ELAVL4: variants seen among roughly 807,000 people sequenced by gnomAD.
ELAVL4 encodes the protein ELAV like RNA binding protein 4.
ELAVL4 carries 1 observed loss-of-function variant against 35.6 expected under a neutral mutation model. That is an observed-to-expected ratio of 0.03 (90% CI 0.01 to 0.13). ELAVL4 has a LOEUF of 0.13. Among genes scored for constraint, ELAVL4 ranks in the 10% least tolerant of loss-of-function variants. The pLI, the probability that ELAVL4 is intolerant of heterozygous loss-of-function variation, is 1.00. For synonymous variants in ELAVL4, 156 were observed against 171.0 expected, an observed-to-expected ratio of 0.91 and a Z score of 0.69; for missense variants, 267 against 464.9, an observed-to-expected ratio of 0.57 and a Z score of 3.91.
At chr1:50,089,680 A>C (rs1665405098) in intron 1 of ELAVL4, among the ~76,000 whole-genome samples, 1 of 152,202 alleles carries the variant, frequency 6.6e-6, no homozygotes, top group Admixed American at 6.5e-5. Context: ...ACCTGAGTCC[A>C]GGAGGTTGAG....
intron 1 of ELAVL4, among the ~76,000 whole-genome samples, chr1:50,061,198 T>C (rs1326060401): frequency 2.6e-5 from 4 of 152,228 alleles, no homozygotes; most frequent in Admixed American, 2.6e-4. Context: ...TTTGGTTTGT[T>C]CATAAAATTA....
chr1:50,066,522 C>A (rs2148483032), intron 1 of ELAVL4, among the ~76,000 whole-genome samples: 1 of 152,226 alleles, frequency 6.6e-6, no homozygotes, highest in Admixed American at 6.5e-5. Context: ...TGCTGTTGGC[C>A]AACTCTTCAT....
At chr1:50,108,380 C>T (rs993081650), upstream of ELAVL4, among the ~76,000 whole-genome samples, 1 of 152,168 alleles carries the variant, frequency 6.6e-6, no homozygotes, top group Non-Finnish European at 1.5e-5. Context: ...TACTAAAAAT[C>T]AGCAATATCT....
At chr1:50,128,850 T>C (rs1272399010) in intron 1 of ELAVL4, among the ~76,000 whole-genome samples, 1 of 152,002 alleles carries the variant, frequency 6.6e-6, no homozygotes, top group Non-Finnish European at 1.5e-5. Context: ...AGAAGGAAGA[T>C]GGGAGTCAGT....
intron 1 of ELAVL4, among the ~76,000 whole-genome samples, chr1:50,076,243 T>G (rs1220615881): frequency 6.6e-6 from 1 of 152,198 alleles, no homozygotes; most frequent in Non-Finnish European, 1.5e-5. Context: ...TAACCTCTTA[T>G]CAGTGGTTTT....
intron 1 of ELAVL4, among the ~76,000 whole-genome samples, chr1:50,120,748 T>TA (rs2148590549): frequency 6.6e-6 from 1 of 152,150 alleles, no homozygotes; most frequent in African/African-American, 2.4e-5. Flanking sequence ...TTTAGGGTTA[T>TA]AGTGGCAGAA....
chr1:50,186,586 G>A (rs988442879), intron 3 of ELAVL4, among the ~76,000 whole-genome samples: 1 of 152,190 alleles, frequency 6.6e-6, no homozygotes, highest in Non-Finnish European at 1.5e-5. Flanking sequence ...ATGGGCAGGA[G>A]TTTATTCTGC....
At chr1:50,200,465 T>G (rs1331126954) in intron 6 of ELAVL4, among the ~76,000 whole-genome samples, 1 of 151,762 alleles carries the variant, frequency 6.6e-6, no homozygotes, top group Non-Finnish European at 1.5e-5. Context: ...ATGAATGAAA[T>G]AGACCCTTTC....
intron 2 of ELAVL4, among the ~76,000 whole-genome samples, chr1:50,163,982 A>G (rs879412037): frequency 1.6e-4 from 24 of 152,078 alleles, no homozygotes; most frequent in South Asian, 4.1e-4. Context: ...CCTAGCCACT[A>G]TTTTCTAGAC....
intron 1 of ELAVL4, among the ~76,000 whole-genome samples, chr1:50,142,601 A>G (rs1673009543): frequency 6.6e-6 from 1 of 152,210 alleles, no homozygotes; most frequent in Non-Finnish European, 1.5e-5. Flanking sequence ...ACAAAAACAA[A>G]AACAAAAAAT....
intron 3 of ELAVL4, among the ~76,000 whole-genome samples, chr1:50,188,231 A>G (rs1301552067): frequency 6.6e-6 from 1 of 152,188 alleles, no homozygotes; most frequent in Non-Finnish European, 1.5e-5. Flanking sequence ...CACTTCCAGC[A>G]CCAAATTTCT....
chr1:50,049,811 T>C (rs1435307797), intron 1 of ELAVL4, among the ~76,000 whole-genome samples: 2 of 152,210 alleles, frequency 1.3e-5, no homozygotes, highest in Non-Finnish European at 2.9e-5. Context: ...GGGATTTACA[T>C]GCAGGTTTTT....
rs985044788 is a variant in ELAVL4, at chr1:50,203,577, A to G, written c.*2399A>G. On this transcript the variant is annotated 3_prime_UTR_variant, in exon 7 of 7. Transcript: ENST00000371824. ...TCTATAATGTGTTCAATCTTGGGGG[A>G]AAAAAAAAGGAAAAAAAATCTTAGG... The G allele has an allele frequency of 5.3e-5, 8 of 150,918 alleles. No individual in the cohort carries two copies. Among genetic ancestry groups the G allele is most frequent in the East Asian group, 3.9e-4 (2 of 5,174 alleles). The allele number at this position is 150,918 out of a possible 1,614,324, so 9.3% of individuals were successfully genotyped here.
chr1:50,194,739 G>A (rs1643918955), intron 4 of ELAVL4, among the ~76,000 whole-genome samples: 2 of 152,190 alleles, frequency 1.3e-5, no homozygotes, highest in African/African-American at 4.8e-5. Context: ...TGAGAGCTCA[G>A]GAGAAGGTGT....
chr1:50,171,210 C>T (rs1678946179), intron 2 of ELAVL4, among the ~76,000 whole-genome samples: 1 of 152,158 alleles, frequency 6.6e-6, no homozygotes, highest in Admixed American at 6.5e-5. Flanking sequence ...TGCTCCAGAA[C>T]CCCAAGGGAT....
intron 1 of ELAVL4, among the ~76,000 whole-genome samples, chr1:50,087,639 T>A (rs937199589): frequency 6.6e-6 from 1 of 152,198 alleles, no homozygotes; most frequent in Non-Finnish European, 1.5e-5. Flanking sequence ...TAGCTCTTGA[T>A]GTGACTGTAT....
chr1:50,164,607 G>C (rs1677410254), intron 2 of ELAVL4, among the ~76,000 whole-genome samples: 1 of 152,130 alleles, frequency 6.6e-6, no homozygotes, highest in African/African-American at 2.4e-5. Context: ...ACCAGTCTGG[G>C]CAACACAGCA....
Position 50,201,271 on chromosome 1 carries a change from C to A in ELAVL4, c.*93C>A. Reference sequence around the variant, plus strand: ...CACACATACACGAAAGAGAGAGAAACAAACTTTTCAAGGCTTATATTCAAC... The same window carrying A: ...CACACATACACGAAAGAGAGAGAAAAAAACTTTTCAAGGCTTATATTCAAC... On this transcript the variant is annotated 3_prime_UTR_variant, in exon 7 of 7. Coordinates refer to ENST00000371824, the MANE Select transcript of ELAVL4 (RefSeq NM_001144774.3). The surrounding 1 kb of genome is among the most constrained non-coding windows in gnomAD (Gnocchi z 4.3). 7.2e-7 allele frequency: 1 copy of A among 1,382,688 alleles called. No homozygotes were observed. The highest frequency in any genetic ancestry group is 9.5e-7 in the Non-Finnish European group (1 of 1,054,888). 85.7% of individuals were successfully genotyped at this position (1,382,688 alleles called of 1,614,324 possible).
intron 1 of ELAVL4, among the ~76,000 whole-genome samples, chr1:50,070,509 A>T (rs1327226003): frequency 1.3e-5 from 2 of 152,268 alleles, no homozygotes. Flanking sequence ...TTGGGAGGCC[A>T]AGGCGGGCGG....
Sources: gnomAD v4.1 joint callset for allele counts (sites outside exome capture counted in the v4.1 genomes callset) on GRCh38, gnomAD v4.1.1 for gene constraint, Gnocchi (gnomAD v3.1) non-coding constraint, MANE v1.5 for transcripts, NCBI Gene and HGNC (gene_info 2026-07-23, HGNC 2026-07-21) for gene names.